Variants in PRKCB observed in about 807,000 individuals in gnomAD.
PRKCB encodes protein kinase C beta, also known as protein kinase C beta type.
PRKCB carries 13 observed loss-of-function variants against 81.5 expected under a neutral mutation model. The ratio of observed to expected loss-of-function variants is 0.16; its 90% CI spans 0.10 to 0.25. PRKCB has a LOEUF of 0.25. Ranked by LOEUF, PRKCB falls within the 10% of genes least tolerant of loss-of-function variation. The probability of loss-of-function intolerance (pLI) is 1.00; values close to 1 mark genes in which losing one functional copy is unlikely to be tolerated. For missense variants in PRKCB, 509 were observed against 875.7 expected (o/e 0.58, Z 5.29); for synonymous variants, 335 against 321.4 (o/e 1.04, Z -0.45).
chr16:24,199,937 A>G (rs1185994920), intron 16 of PRKCB, among the ~76,000 whole-genome samples: 13 of 152,274 alleles, frequency 8.5e-5, no homozygotes, highest in Admixed American at 8.5e-4. Context: ...CAGGAGAGTC[A>G]TGATAACACC....
At chr16:24,038,545 C>T (rs767883349) in intron 5 of PRKCB, among the ~76,000 whole-genome samples, 1 of 152,258 alleles carries the variant, frequency 6.6e-6, no homozygotes, top group Non-Finnish European at 1.5e-5. Context: ...GGGCCTCTGG[C>T]CCCATGTCAC....
intron 16 of PRKCB, among the ~76,000 whole-genome samples, chr16:24,193,243 G>A (rs1967821236): frequency 6.6e-6 from 1 of 151,984 alleles, no homozygotes; most frequent in Non-Finnish European, 1.5e-5. Flanking sequence ...AGGAGTTCGA[G>A]ATCAGCCTGG....
rs371179740 is a variant in PRKCB at position 23,924,261 on chromosome 16, C to A, written c.206-64247C>A. Among the ~76,000 whole-genome samples the A allele has an allele frequency of 3.9e-5, 6 of 152,168 alleles. No individual in the cohort carries two copies. In the South Asian group the frequency reaches 6.2e-4, roughly 16 times the overall value. ...AGGTCCAAGCTTGCTTCCCCTTCGC[C>A]TTCTGTCATAATTGTAAGTTTCCTG... is the stretch of plus-strand genomic sequence containing the variant. On this transcript the variant is annotated intron_variant, in intron 2 of 16. Coordinates refer to ENST00000643927, the MANE Select transcript of PRKCB (RefSeq NM_002738.7).
At chr16:24,091,604 T>C (rs1016398661) in intron 5 of PRKCB, among the ~76,000 whole-genome samples, 2 of 151,588 alleles carry the variant, frequency 1.3e-5, no homozygotes, top group Admixed American at 1.3e-4. Flanking sequence ...TGCCTCCTTT[T>C]CTCCTGTAAG....
At chr16:24,063,424 A>G (rs939561872) in intron 5 of PRKCB, among the ~76,000 whole-genome samples, 7 of 151,646 alleles carry the variant, frequency 4.6e-5, no homozygotes, top group Admixed American at 6.6e-5. Context: ...CCTCTCAAGT[A>G]GCTGGGATTA....
chr16:24,023,894 G>A (rs952874087), intron 3 of PRKCB, among the ~76,000 whole-genome samples: 3 of 152,100 alleles, frequency 2.0e-5, no homozygotes, highest in South Asian at 2.1e-4. Context: ...TGTCCATTCC[G>A]TTTGGTCTGT....
At chr16:24,047,517 C>A (rs1004707963) in intron 5 of PRKCB, among the ~76,000 whole-genome samples, 3 of 149,976 alleles carry the variant, frequency 2.0e-5, no homozygotes, top group Admixed American at 2.0e-4. Context: ...GGCGACAGAG[C>A]GAGACCCTGT....
At chr16:24,007,362 T>G (rs542011201) in intron 3 of PRKCB, among the ~76,000 whole-genome samples, 7 of 152,364 alleles carry the variant, frequency 4.6e-5, no homozygotes, top group Non-Finnish European at 2.9e-5. Context: ...TTTATCTTGC[T>G]TTCTGCAAAA....
intron 9 of PRKCB, among the ~76,000 whole-genome samples, chr16:24,142,074 A>G (rs1966909914): frequency 6.6e-6 from 1 of 152,006 alleles, no homozygotes; most frequent in Admixed American, 6.6e-5. Context: ...TCTCACAACA[A>G]CCTTCTGAGG....
intron 3 of PRKCB, among the ~76,000 whole-genome samples, chr16:24,021,016 C>CTTTCTTTCTTTCTTTCTT (rs1965361701): frequency 7.2e-6 from 1 of 139,820 alleles, no homozygotes; most frequent in African/African-American, 2.8e-5. Flanking sequence ...TTCTTTCTTT[C>CTTTCTTTCTTTCTTTCTT]TTTCTTTCTT....
intron 5 of PRKCB, among the ~76,000 whole-genome samples, chr16:24,078,319 A>G (rs1432708415): frequency 6.6e-6 from 1 of 152,214 alleles, no homozygotes; most frequent in African/African-American, 2.4e-5. Flanking sequence ...GTGGGGCCCC[A>G]TGGCACGCCA....
At chr16:24,212,461 CT>C (rs975667798) in intron 16 of PRKCB, among the ~76,000 whole-genome samples, 1,484 of 78,028 alleles carry the variant, frequency 0.019, 2 homozygotes, top group African/African-American at 0.045. Flanking sequence ...CTTTTTTTTC[CT>C]TTTTTTTTTT....
intron 16 of PRKCB, among the ~76,000 whole-genome samples, chr16:24,204,321 G>C (rs1968009849): frequency 6.6e-6 from 1 of 152,092 alleles, no homozygotes; most frequent in African/African-American, 2.4e-5. Context: ...CAGATACATA[G>C]TATGAGGCAA....
intron 2 of PRKCB, among the ~76,000 whole-genome samples, chr16:23,868,595 C>T (rs1962846836): frequency 6.6e-6 from 1 of 152,216 alleles, no homozygotes; most frequent in Admixed American, 6.5e-5. Context: ...AAGTAAATGG[C>T]AGAGCCATGA....
chr16:24,216,094 G>C lies in PRKCB; in HGVS notation c.*1278G>C. 1.0e-6 allele frequency: 1 copy of C among 985,426 alleles called. No individual in the cohort carries two copies. 61.0% of individuals were successfully genotyped at this position (985,426 alleles called of 1,614,324 possible). A position where few individuals can be genotyped will look rare whatever the true frequency, so the allele number is the denominator to read the frequency against. On this transcript the variant is annotated 3_prime_UTR_variant, in exon 17 of 17. Transcript: ENST00000643927. ...AGTGGGAACTGAGGAGGGAACTCAG[G>C]AGAAAGGAACTAACTGCGGAGCTTT...
intron 6 of PRKCB, among the ~76,000 whole-genome samples, chr16:24,093,488 A>G (rs1050590564): frequency 4.6e-5 from 7 of 152,200 alleles, no homozygotes; most frequent in African/African-American, 1.7e-4. Context: ...ATGTGTGACA[A>G]ACACTGGGTT....
rs1596515251 is a variant in PRKCB at position 24,021,034 on chromosome 16, TTCTTTC to T, written c.289-11094_289-11089del. On this transcript the variant is annotated intron_variant, in intron 3 of 16. Coordinates refer to ENST00000643927, the MANE Select transcript of PRKCB (RefSeq NM_002738.7). Reference sequence around the variant, plus strand: ...TTTCTTTCTTTCTTTCTTTCTTTCTTTCTTTCTCTTTCTTTCTTTCTTTCCCTCCCT... The same window carrying T: ...TTTCTTTCTTTCTTTCTTTCTTTCTTTCTTTCTTTCTTTCTTTCCCTCCCT... Among the ~76,000 whole-genome samples the T allele has an allele frequency of 3.4e-4, 47 of 139,008 alleles. No individual in the cohort carries two copies. The East Asian group carries it at 3.9e-3, about 12-fold the overall frequency. The allele number at this position is 139,008 out of a possible 152,430, so 91.2% of individuals were successfully genotyped here. A position where few individuals can be genotyped will look rare whatever the true frequency, so the allele number is the denominator to read the frequency against.
chr16:24,200,126 T>A (rs540599923), intron 16 of PRKCB, among the ~76,000 whole-genome samples: 3 of 152,326 alleles, frequency 2.0e-5, no homozygotes, highest in Non-Finnish European at 4.4e-5. Flanking sequence ...ATTTTGAGGC[T>A]GACAAAGACG....
intron 5 of PRKCB, among the ~76,000 whole-genome samples, chr16:24,086,717 C>A (rs1966314836): frequency 1.3e-5 from 2 of 152,148 alleles, no homozygotes; most frequent in Admixed American, 1.3e-4. Flanking sequence ...ATGGATAAAG[C>A]TAAAATCTTT....
Sources: gnomAD v4.1 joint callset for allele counts (sites outside exome capture counted in the v4.1 genomes callset) on GRCh38, gnomAD v4.1.1 for gene constraint, MANE v1.5 for transcripts, NCBI Gene and HGNC (gene_info 2026-07-23, HGNC 2026-07-21) for gene names.